The following PCOLCE2 variants were observed in gnomAD, a reference collection of about 807,000 sequenced individuals.
PCOLCE2 encodes procollagen C-endopeptidase enhancer 2, also known as procollagen C-proteinase enhancer 2.
Under a neutral mutation model 47.0 loss-of-function variants are expected in PCOLCE2, and 42 were observed. The ratio of observed to expected loss-of-function variants is 0.89; its 90% CI spans 0.70 to 1.16. PCOLCE2 has a LOEUF of 1.16. PCOLCE2 is among the 50% of genes most tolerant of loss of function. The pLI, the probability that PCOLCE2 is intolerant of heterozygous loss-of-function variation, is 0.00. For missense variants in PCOLCE2, 500 were observed against 526.1 expected (o/e 0.95, Z 0.49); for synonymous variants, 169 against 191.7 (o/e 0.88, Z 0.98).
chr3:142,839,868 G>A (rs550284678), intron 4 of PCOLCE2, among the ~76,000 whole-genome samples: 21 of 152,200 alleles, frequency 1.4e-4, no homozygotes, highest in Admixed American at 5.9e-4. Flanking sequence ...ATAACTGGAT[G>A]TGTGTTATAG....
chr3:142,820,530 C>T lies in PCOLCE2; in HGVS notation c.1117+348G>A, dbSNP rs115627904. ...GGATATACCTCCCTCTTCTGAACTT[C>T]GGGTCTGCATTTCCTGTTGGCTGCT... is the stretch of plus-strand genomic sequence containing the variant. On this transcript the variant is annotated intron_variant, in intron 8 of 8. Transcript: ENST00000295992. Among the ~76,000 whole-genome samples, 501 of 152,210 alleles carry T rather than the reference C, an allele frequency of 3.3e-3. 2 individuals carry two copies. Among genetic ancestry groups the T allele is most frequent in the African/African-American group, 0.011 (472 of 41,532 alleles).
intron 2 of PCOLCE2, among the ~76,000 whole-genome samples, chr3:142,872,902 T>C (rs1302544735): frequency 6.6e-6 from 1 of 152,196 alleles, no homozygotes; most frequent in Non-Finnish European, 1.5e-5. Context: ...AAAAGTGCTT[T>C]TATTTTCCCC....
At chr3:142,864,773 T>C (rs536274016) in intron 2 of PCOLCE2, among the ~76,000 whole-genome samples, 1 of 152,344 alleles carries the variant, frequency 6.6e-6, no homozygotes, top group African/African-American at 2.4e-5. Flanking sequence ...ATGTGGTCTA[T>C]TGCATCTGGC....
At chr3:142,855,847 G>A (rs754611336) in intron 2 of PCOLCE2, among the ~76,000 whole-genome samples, 16 of 152,158 alleles carry the variant, frequency 1.1e-4, no homozygotes, top group Admixed American at 3.9e-4. Context: ...GCCCAGAACA[G>A]CCCTCCCACT....
chr3:142,851,335 G>A (rs1009160367), intron 2 of PCOLCE2, among the ~76,000 whole-genome samples: 1 of 152,176 alleles, frequency 6.6e-6, no homozygotes, highest in Non-Finnish European at 1.5e-5. Context: ...TTCTTCCCCA[G>A]CCACATTCAG....
At chr3:142,834,280 T>C (rs915250248) in intron 5 of PCOLCE2, among the ~76,000 whole-genome samples, 2 of 152,222 alleles carry the variant, frequency 1.3e-5, no homozygotes, top group Admixed American at 6.5e-5. Context: ...TGCCCCCTTC[T>C]TCCTATCCCC....
intron 2 of PCOLCE2, among the ~76,000 whole-genome samples, chr3:142,876,996 A>C (rs141722869): frequency 5.3e-5 from 8 of 152,190 alleles, no homozygotes; most frequent in African/African-American, 1.9e-4. Flanking sequence ...CAGAAATTAC[A>C]CTCTTAGAAA....
At chr3:142,840,476 G>A (rs1937253205) in intron 4 of PCOLCE2, among the ~76,000 whole-genome samples, 1 of 152,156 alleles carries the variant, frequency 6.6e-6, no homozygotes, top group Non-Finnish European at 1.5e-5. Flanking sequence ...GAAGATAAAG[G>A]ACATTAATTC....
At chr3:142,876,438 C>T (rs1933499743) in intron 2 of PCOLCE2, among the ~76,000 whole-genome samples, 2 of 152,152 alleles carry the variant, frequency 1.3e-5, no homozygotes, top group East Asian at 1.9e-4. Flanking sequence ...CAAAGTCATA[C>T]AGCTCGTAAT....
At chr3:142,818,633 TG>T (rs924971943) in intron 8 of PCOLCE2, among the ~76,000 whole-genome samples, 168 bp from the exon 9 acceptor site, 26 of 152,176 alleles carry the variant, frequency 1.7e-4, no homozygotes, top group African/African-American at 6.3e-4. Flanking sequence ...TTTTTAGAGA[TG>T]GGGGTCTTGC....
chr3:142,885,115 A>G (rs1933694918), intron 2 of PCOLCE2, among the ~76,000 whole-genome samples: 1 of 152,234 alleles, frequency 6.6e-6, no homozygotes, highest in Non-Finnish European at 1.5e-5. Context: ...GAAGGACTGG[A>G]AGTTTGGTGG....
chr3:142,870,430 AG>A (rs1181574306), intron 2 of PCOLCE2, among the ~76,000 whole-genome samples: 3 of 152,230 alleles, frequency 2.0e-5, no homozygotes, highest in African/African-American at 7.2e-5. Flanking sequence ...GCATCTGGGT[AG>A]GGTTTTGTGC....
intron 2 of PCOLCE2, among the ~76,000 whole-genome samples, chr3:142,858,557 C>T (rs1008022119): frequency 1.3e-5 from 2 of 152,126 alleles, no homozygotes; most frequent in African/African-American, 2.4e-5. Context: ...TAGGATAAAA[C>T]ATAAACTCCA....
At chr3:142,876,955 G>C (rs1933508277) in intron 2 of PCOLCE2, among the ~76,000 whole-genome samples, 1 of 152,182 alleles carries the variant, frequency 6.6e-6, no homozygotes, top group South Asian at 2.1e-4. Flanking sequence ...CACAACAGTG[G>C]AACTAGCATT....
chr3:142,832,292 G>A (rs1406360092), intron 5 of PCOLCE2, among the ~76,000 whole-genome samples: 1 of 152,052 alleles, frequency 6.6e-6, no homozygotes, highest in Non-Finnish European at 1.5e-5. Flanking sequence ...CTCTAGGACG[G>A]GGGTTCTAGA....
At chr3:142,888,641 G>C (rs1041842905) in intron 1 of PCOLCE2, 173 bp downstream of exon 1, 2 of 447,938 alleles carry the variant, frequency 4.5e-6, no homozygotes, top group South Asian at 1.1e-4. Context: ...GGGTCCCGAA[G>C]TCCCGGGCTT....
chr3:142,824,507 C>G (rs1284501924), intron 6 of PCOLCE2, among the ~76,000 whole-genome samples: 2 of 152,182 alleles, frequency 1.3e-5, no homozygotes, highest in African/African-American at 4.8e-5. Flanking sequence ...TTATTTGTTT[C>G]TGTGTGACAA....
chr3:142,854,209 G>T (rs200428961), intron 2 of PCOLCE2, among the ~76,000 whole-genome samples: 1 of 20,796 alleles, frequency 4.8e-5, no homozygotes, highest in Non-Finnish European at 1.3e-4. Context: ...TTTGCAGCAC[G>T]TGATTTTTTT....
chr3:142,831,213 C>T lies in PCOLCE2; in HGVS notation c.711-1367G>A, dbSNP rs370295967. Among the ~76,000 whole-genome samples the T allele has an allele frequency of 1.2e-4, 18 of 152,374 alleles. No homozygotes were observed. The East Asian group carries it at 3.5e-3, about 29-fold the overall frequency. ...GATTGGGTCATGAGGGCTCTGCCCT[C>T]AGGAATGGATTCATCCATTCACAGA... On this transcript the variant is annotated intron_variant, in intron 5 of 8. Transcript: ENST00000295992.
Sources: gnomAD v4.1 joint callset for allele counts (sites outside exome capture counted in the v4.1 genomes callset) on GRCh38, gnomAD v4.1.1 for gene constraint, MANE v1.5 for transcripts, NCBI Gene and HGNC (gene_info 2026-07-23, HGNC 2026-07-21) for gene names.